Variants in ADCY7 observed in about 807,000 individuals in gnomAD.
The protein encoded by ADCY7 is adenylate cyclase 7.
A neutral mutation model predicts 120.6 loss-of-function variants in ADCY7; 72 were observed. That is an observed-to-expected ratio of 0.60 (90% CI 0.49 to 0.73). ADCY7 has a LOEUF of 0.73. Among genes scored for constraint, ADCY7 ranks in the 30% least tolerant of loss-of-function variants. The pLI is 0.00. For missense variants in ADCY7, 1,227 were observed against 1,486.0 expected (o/e 0.83, Z 2.87); for synonymous variants, 661 against 628.0 (o/e 1.05, Z -0.78).
At chr16:50,288,625 A>C (rs2034735869) in intron 2 of ADCY7, among the ~76,000 whole-genome samples, 1 of 152,014 alleles carries the variant, frequency 6.6e-6, no homozygotes, top group Non-Finnish European at 1.5e-5. Flanking sequence ...TGACAGGTGC[A>C]TGCCACCATG....
At chr16:50,294,791 C>T (rs1040342801) in intron 7 of ADCY7, 40 bp downstream of exon 7, 2 of 1,460,676 alleles carry the variant, frequency 1.4e-6, no homozygotes. Flanking sequence ...CCAGGCCCCT[C>T]CCCTGCCTAT....
Position 50,310,887 on chromosome 16 carries a change from T to G in ADCY7, c.2354+7T>G, listed in dbSNP as rs938127131. 1 of 1,582,812 alleles carries G rather than the reference T, an allele frequency of 6.3e-7. No individual in the cohort carries two copies. The highest frequency in any genetic ancestry group is 8.6e-7 in the Non-Finnish European group (1 of 1,166,292). ...AGCCCAACGGCACCACCAGGTGGGGTCCCGCCCGTCCCCGTCCCCATCCCC... is the reference window on the plus strand; with the variant it reads ...AGCCCAACGGCACCACCAGGTGGGGGCCCGCCCGTCCCCGTCCCCATCCCC... On this transcript the variant is annotated splice_region_variant and intron_variant, in intron 19 of 25. Coordinates refer to ENST00000673801, the MANE Select transcript of ADCY7 (RefSeq NM_001114.5).
rs1334561560 is a variant in ADCY7 at position 50,317,393 on chromosome 16, G to C, written c.*1888G>C. The C allele has an allele frequency of 6.7e-6, 1 of 150,364 alleles. No homozygotes were observed. Among genetic ancestry groups the C allele is most frequent in the African/African-American group, 2.5e-5 (1 of 39,572 alleles). 9.3% of individuals were successfully genotyped at this position (150,364 alleles called of 1,614,324 possible). On this transcript the variant is annotated 3_prime_UTR_variant, in exon 26 of 26. Transcript: ENST00000673801. ...TAGCAGTGACCAGGGCTGCCCGGCG[G>C]GGGCTCTCCTGGCAAGTCAGGAAGG... is the stretch of plus-strand genomic sequence containing the variant.
intron 1 of ADCY7, among the ~76,000 whole-genome samples, chr16:50,253,260 C>G (rs1471441758): frequency 2.6e-5 from 4 of 152,038 alleles, no homozygotes; most frequent in Admixed American, 2.0e-4. Context: ...TCTTTTCTTT[C>G]TTTTTTCTGA....
chr16:50,261,816 C>A (rs906753644), upstream of ADCY7, among the ~76,000 whole-genome samples: 2 of 152,210 alleles, frequency 1.3e-5, no homozygotes, highest in African/African-American at 4.8e-5. Context: ...GGACGATAGG[C>A]GAGGTTGGCG....
Position 50,293,376 on chromosome 16 carries a change from T to C in ADCY7, c.710T>C (p.Leu237Pro). ...CAGGAGAACCTGCTGCTGTCAGTGC[T>C]TCCGGCCCACATCTCCATGGGCATG... Reference protein sequence around the residue: ...RQQENLLLSVLPAHISMGMKL... With the variant: ...RQQENLLLSVPPAHISMGMKL... The change falls in exon 6 of 26, where the codon CTT becomes CCT. Residue 237 changes from leucine (L) to proline (P), a missense_variant. Leu to Pro is a moderately conservative substitution (Grantham distance 98). Around this residue, in one of 5 missense-constraint regions of ADCY7, gnomAD observed 382 missense variants for 411.4 expected, o/e 0.93. Transcript: ENST00000673801. 1 of 1,613,644 alleles carries C rather than the reference T, an allele frequency of 6.2e-7. No individual in the cohort carries two copies. The highest frequency in any genetic ancestry group is 8.5e-7 in the Non-Finnish European group (1 of 1,179,740).
Position 50,318,050 on chromosome 16 carries a change from T to G in ADCY7, c.*2545T>G, listed in dbSNP as rs2036895669. On this transcript the variant is annotated 3_prime_UTR_variant, in exon 26 of 26. Coordinates refer to ENST00000673801, the MANE Select transcript of ADCY7 (RefSeq NM_001114.5). ...ATGAATATTTATAGATCTGTAACAT[T>G]TGTTTCAAAATGCTGTTTCATTTTT... The G allele has an allele frequency of 1.3e-5, 2 of 152,366 alleles. No individual in the cohort carries two copies. Among genetic ancestry groups the G allele is most frequent in the Admixed American group, 1.3e-4 (2 of 15,280 alleles). The allele number at this position is 152,366 out of a possible 1,614,324, so 9.4% of individuals were successfully genotyped here.
intron 13 of ADCY7, 45 bp downstream of exon 13, chr16:50,305,631 G>T: frequency 6.4e-7 from 1 of 1,554,084 alleles, no homozygotes; most frequent in Non-Finnish European, 8.8e-7. Context: ...TCTCCCCCTC[G>T]GATAGGGGTC....
chr16:50,313,490 A>G, intron 22 of ADCY7: 1 of 185,628 alleles, frequency 5.4e-6, no homozygotes, highest in Non-Finnish European at 1.1e-5. Context: ...CAGAATATAA[A>G]GGTACACATT....
chr16:50,255,685 T>A (rs575490438), intron 1 of ADCY7, among the ~76,000 whole-genome samples: 1 of 152,150 alleles, frequency 6.6e-6, no homozygotes, highest in South Asian at 2.1e-4. Flanking sequence ...AGAGATGGGG[T>A]TTCAACATGC....
chr16:50,303,447 G>A (rs1047684822), intron 10 of ADCY7, among the ~76,000 whole-genome samples: 2 of 152,190 alleles, frequency 1.3e-5, no homozygotes, highest in African/African-American at 4.8e-5. Flanking sequence ...GACTTCCGGA[G>A]GCAGAGGAAT....
At chr16:50,248,604 G>A (rs1301919775) in intron 1 of ADCY7, among the ~76,000 whole-genome samples, 1 of 152,236 alleles carries the variant, frequency 6.6e-6, no homozygotes, top group Non-Finnish European at 1.5e-5. Context: ...GGAGTTCGTG[G>A]ACAGATCATT....
intron 24 of ADCY7, 200 bp from the exon 25 acceptor site, chr16:50,314,814 G>C (rs964680209): frequency 7.1e-5 from 44 of 621,616 alleles, no homozygotes; most frequent in Non-Finnish European, 1.2e-4. Context: ...TTCTGAGTCT[G>C]AAAAAGAGCT....
chr16:50,301,210 C>G lies in ADCY7; in HGVS notation c.1364C>G (p.Pro455Arg). Reference sequence around the variant, plus strand: ...ATCCGCACCTACCTGGTCATCGACCCCCGGGTACGAGGGCTCAGAGGCCGC... The same window carrying G: ...ATCCGCACCTACCTGGTCATCGACCGCCGGGTACGAGGGCTCAGAGGCCGC... ...MNIRTYLVID[P>R]RSQQPPPPSQ... Residue 455 changes from proline (P) to arginine (R), a missense_variant, in exon 10 of 26, where the codon CCC becomes CGC. By Grantham distance (103) the Pro-to-Arg change is moderately radical. This residue lies in a region of ADCY7 where 332 missense variants were observed against 455.8 expected (regional missense o/e 0.73). Coordinates refer to ENST00000673801, the MANE Select transcript of ADCY7 (RefSeq NM_001114.5). The G allele has an allele frequency of 6.3e-7, 1 of 1,590,126 alleles. No homozygotes were observed. The highest frequency in any genetic ancestry group is 1.1e-5 in the South Asian group (1 of 87,980).
intron 2 of ADCY7, among the ~76,000 whole-genome samples, chr16:50,289,779 G>A (rs1188677254): frequency 2.6e-5 from 4 of 152,224 alleles, no homozygotes; most frequent in Non-Finnish European, 5.9e-5. Context: ...TTTCTTTTTA[G>A]TGAATGTAAA....
At chr16:50,255,405 A>AAAAAAAAAAAAAC (rs2032889437) in intron 1 of ADCY7, among the ~76,000 whole-genome samples, 1 of 146,526 alleles carries the variant, frequency 6.8e-6, no homozygotes, top group African/African-American at 2.5e-5. Flanking sequence ...GTTTCTGGAA[A>AAAAAAAAAAAAAC]AAAAAAAAAA....
intron 8 of ADCY7, 28 bp downstream of exon 8, chr16:50,299,059 G>A (rs2035543213): frequency 6.3e-7 from 1 of 1,586,726 alleles, no homozygotes; most frequent in East Asian, 2.3e-5. Flanking sequence ...CCAGGCCCTG[G>A]GTCCTGCCCT....
chr16:50,294,948 C>T lies in ADCY7; in HGVS notation c.948+197C>T, dbSNP rs183039196. ...GGCCACGGCAGCCAGGATCCTGTGC[C>T]CCCAGAGTGACAGGCCAGTGGGGAG... On this transcript the variant is annotated intron_variant, in intron 7 of 25. Coordinates refer to ENST00000673801, the MANE Select transcript of ADCY7 (RefSeq NM_001114.5). Among the ~76,000 whole-genome samples, 453 of 152,222 alleles carry T rather than the reference C, an allele frequency of 3.0e-3. 3 individuals are homozygous for T. The highest frequency in any genetic ancestry group is 0.01 in the African/African-American group (436 of 41,526).
intron 1 of ADCY7, among the ~76,000 whole-genome samples, chr16:50,271,658 GC>G (rs560214583): frequency 6.6e-6 from 1 of 152,102 alleles, no homozygotes; most frequent in Non-Finnish European, 1.5e-5. Flanking sequence ...CTCTGGGCCA[GC>G]CCCCCTGACA....
Sources: gnomAD v4.1 joint callset for allele counts (sites outside exome capture counted in the v4.1 genomes callset) on GRCh38, gnomAD v4.1.1 for gene constraint, gnomAD v4.1.1 regional missense constraint, MANE v1.5 for transcripts, NCBI Gene and HGNC (gene_info 2026-07-23, HGNC 2026-07-21) for gene names.